Variants in FRAS1 observed in about 807,000 individuals in gnomAD.
FRAS1 encodes the protein extracellular matrix organizing protein FRAS1.
In FRAS1, 290 loss-of-function variants were observed where a neutral mutation model predicts 435.2. The observed-to-expected ratio is 0.67, with a 90% CI of 0.61 to 0.73. The LOEUF (loss-of-function observed/expected upper bound fraction) is 0.73, where lower values mean the gene tolerates loss of function less well. Ranked by LOEUF, FRAS1 falls within the 30% of genes least tolerant of loss-of-function variation. FRAS1 has a pLI of 0.00. For synonymous variants in FRAS1, 1,800 were observed against 1,851.0 expected (o/e 0.97, Z 0.71); for missense variants, 4,860 against 5,001.5 (o/e 0.97, Z 0.85).
At position 78,540,738 on chromosome 4, in the gene FRAS1, T is replaced by A. The variant is rs1247181811; in HGVS notation, c.11653T>A (p.Ser3885Thr). ...AGTCAAGAATGGCACCAATATGAAGTCCCTGAATCTGGAGATGCAAGAGTT... is the reference window on the plus strand; with the variant it reads ...AGTCAAGAATGGCACCAATATGAAGACCCTGAATCTGGAGATGCAAGAGTT... ...DQVKNGTNMK[S>T]LNLEMQELAV... Residue 3885 changes from serine (S) to threonine (T), a missense_variant, in exon 74 of 74, where the codon TCC (serine) becomes ACC (threonine). By Grantham distance (58) the Ser-to-Thr change is moderately conservative. Transcript: ENST00000512123. 2.5e-6 allele frequency: 4 copies of A among 1,613,754 alleles called. No individual in the cohort carries two copies. In the South Asian group the frequency reaches 4.4e-5, roughly 18 times the overall value.
intron 2 of FRAS1, chr4:78,181,977 C>T (rs1171861712): frequency 5.0e-6 from 8 of 1,585,070 alleles, no homozygotes; most frequent in Non-Finnish European, 6.8e-6. Flanking sequence ...GGGTCCGATT[C>T]GTCGTCAAAT....
chr4:78,424,810 G>A (rs1179904858), intron 35 of FRAS1, among the ~76,000 whole-genome samples: 1 of 151,922 alleles, frequency 6.6e-6, no homozygotes, highest in Admixed American at 6.6e-5. Context: ...GATGATGGTG[G>A]CACATGCCTG....
intron 15 of FRAS1, 68 bp downstream of exon 15, chr4:78,308,277 A>ATCTTGT (rs1728876218): frequency 6.7e-7 from 1 of 1,484,772 alleles, no homozygotes; most frequent in South Asian, 1.3e-5. Context: ...TGTTGTATTC[A>ATCTTGT]AATCATAGCA....
intron 9 of FRAS1, among the ~76,000 whole-genome samples, chr4:78,273,676 G>A (rs1483992864): frequency 6.6e-6 from 1 of 152,188 alleles, no homozygotes; most frequent in African/African-American, 2.4e-5. Context: ...ACTTGATCAT[G>A]GTGGATAAGC....
At chr4:78,420,159 A>C (rs904551036) in intron 33 of FRAS1, among the ~76,000 whole-genome samples, 4 of 152,222 alleles carry the variant, frequency 2.6e-5, no homozygotes, top group Non-Finnish European at 4.4e-5. Flanking sequence ...TCCCAAGACT[A>C]ACCACTGCCC....
In FRAS1 at chr4:78,450,284, G is replaced by C; in HGVS notation, c.6408G>C (p.Glu2136Asp). ...AGATGATGAAGCATGGCAACCTGGA[G>C]CAAATTTCTATTAAAGGCCCCATCC... Reference protein sequence around the residue: ...RLQMMKHGNLEQISIKGPIRS... With the variant: ...RLQMMKHGNLDQISIKGPIRS... The change falls in exon 45 of 74, where the codon GAG becomes GAC. Residue 2136 changes from glutamate (E) to aspartate (D), a missense_variant. Coordinates refer to ENST00000512123, the MANE Select transcript of FRAS1 (RefSeq NM_025074.7). The C allele has an allele frequency of 6.2e-7, 1 of 1,613,868 alleles. No homozygotes were observed. Among genetic ancestry groups the C allele is most frequent in the Non-Finnish European group, 8.5e-7 (1 of 1,179,822 alleles).
chr4:78,418,443 T>C (rs1200663567), intron 32 of FRAS1, among the ~76,000 whole-genome samples: 1 of 152,064 alleles, frequency 6.6e-6, no homozygotes, highest in Non-Finnish European at 1.5e-5. Flanking sequence ...GCTGAGTCCT[T>C]AGAACTTCTA....
At chr4:78,324,968 T>C (rs1288975379) in intron 18 of FRAS1, among the ~76,000 whole-genome samples, 2 of 152,186 alleles carry the variant, frequency 1.3e-5, no homozygotes, top group African/African-American at 4.8e-5. Flanking sequence ...TTGAAGACAT[T>C]ACAAGTTTTT....
At position 78,118,755 on chromosome 4, in the gene FRAS1, C is replaced by T. The variant is rs369740165; in HGVS notation, c.108+52739C>T. The stretch of plus-strand genomic sequence containing the variant: ...GACTAGGAAAGGGAATTCCCTGACC[C>T]CTTGCCCTTCCCGGGTGAGGCAATG... On this transcript the variant is annotated intron_variant, in intron 2 of 73. Coordinates refer to ENST00000512123, the MANE Select transcript of FRAS1 (RefSeq NM_025074.7). 5.9e-5 allele frequency among the ~76,000 whole-genome samples: 9 copies of T among 152,312 alleles called. 1 individual carries two copies. The highest frequency in any genetic ancestry group is 1.9e-4 in the African/African-American group (8 of 41,558).
chr4:78,329,695 A>G (rs992669176), intron 18 of FRAS1, among the ~76,000 whole-genome samples: 2 of 152,250 alleles, frequency 1.3e-5, no homozygotes, highest in African/African-American at 4.8e-5. Flanking sequence ...ACCTATTCCT[A>G]TAACGAGACT....
Position 78,540,553 on chromosome 4 carries a change from A to G in FRAS1, c.11468A>G (p.Tyr3823Cys). ...CAGGTGGAAGCAGGACACCAGTGGT[A>G]TCTCCAGGTCATCTACATCATTGGC... ...LYKVEAGHQW[Y>C]LQVIYIIGPD... The change falls in exon 74 of 74, where the codon TAT (tyrosine) becomes TGT (cysteine). Residue 3823 changes from tyrosine to cysteine, a missense_variant. Coordinates refer to ENST00000512123, the MANE Select transcript of FRAS1 (RefSeq NM_025074.7). 6.7e-7 allele frequency: 1 copy of G among 1,502,504 alleles called. No individual in the cohort carries two copies. Among genetic ancestry groups the G allele is most frequent in the South Asian group, 1.4e-5 (1 of 70,360 alleles). The allele number at this position is 1,502,504 out of a possible 1,614,324, so 93.1% of individuals were successfully genotyped here.
At chr4:78,474,720 G>A (rs1403496912) in intron 53 of FRAS1, among the ~76,000 whole-genome samples, 2 of 152,132 alleles carry the variant, frequency 1.3e-5, no homozygotes, top group East Asian at 3.9e-4. Flanking sequence ...ACAGCAACAA[G>A]ACATGCACCC....
At chr4:78,116,461 G>C (rs1578134254) in intron 2 of FRAS1, among the ~76,000 whole-genome samples, 2 of 152,188 alleles carry the variant, frequency 1.3e-5, no homozygotes, top group African/African-American at 4.8e-5. Context: ...TTGTGTGGGA[G>C]TCTAAGTCTC....
In FRAS1 at chr4:78,192,601, G is replaced by A. The variant is rs942603739; in HGVS notation, c.109-44909G>A. ...TTCTCTGATGGTAGTTTGTATTTCT[G>A]TGGGATAGGTGGTGATATCCCCTTT... On this transcript the variant is annotated intron_variant, in intron 2 of 73. Coordinates refer to ENST00000512123, the MANE Select transcript of FRAS1 (RefSeq NM_025074.7). Among the ~76,000 whole-genome samples, 3 of 152,154 alleles carry A rather than the reference G, an allele frequency of 2.0e-5. No individual in the cohort carries two copies. In the East Asian group the frequency reaches 5.8e-4, roughly 29 times the overall value.
chr4:78,304,777 G>A (rs1157040300), intron 14 of FRAS1, among the ~76,000 whole-genome samples: 1 of 152,002 alleles, frequency 6.6e-6, no homozygotes, highest in Non-Finnish European at 1.5e-5. Context: ...AAAAAAAAGT[G>A]GTCTATCAAT....
Position 78,387,583 on chromosome 4 carries a change from G to C in FRAS1, c.3857G>C (p.Arg1286Thr). 1 of 1,613,782 alleles carries C rather than the reference G, an allele frequency of 6.2e-7. No homozygotes were observed. Residue 1286 changes from arginine to threonine, a missense_variant, in exon 29 of 74, where the codon AGA becomes ACA. Coordinates refer to ENST00000512123, the MANE Select transcript of FRAS1 (RefSeq NM_025074.7). ...IYQFQLDELS[R>T]GLLHYAHDGS... ...CAATTCCAGCTGGATGAACTCTCTA[G>C]AGGCCTTCTCCACTATGCTCATGAT... is the stretch of plus-strand genomic sequence containing the variant.
chr4:78,140,585 A>G (rs1332983574), intron 2 of FRAS1, among the ~76,000 whole-genome samples: 2 of 152,092 alleles, frequency 1.3e-5, no homozygotes, highest in East Asian at 1.9e-4. Flanking sequence ...GTGCCCATCA[A>G]TCAATGAGTG....
intron 41 of FRAS1, among the ~76,000 whole-genome samples, chr4:78,442,525 G>C (rs977453429): frequency 2.0e-5 from 3 of 152,218 alleles, no homozygotes; most frequent in African/African-American, 7.2e-5. Context: ...AAGCTCATAG[G>C]CAAAGGTGAG....
At chr4:78,232,990 G>A (rs1166162823) in intron 2 of FRAS1, among the ~76,000 whole-genome samples, 5 of 152,128 alleles carry the variant, frequency 3.3e-5, no homozygotes, top group Admixed American at 3.3e-4. Flanking sequence ...AAAAACTATG[G>A]TTTTGTGAAT....
Sources: gnomAD v4.1 joint callset for allele counts (sites outside exome capture counted in the v4.1 genomes callset) on GRCh38, gnomAD v4.1.1 for gene constraint, MANE v1.5 for transcripts, NCBI Gene and HGNC (gene_info 2026-07-23, HGNC 2026-07-21) for gene names.